The following RIMS1 variants were observed in gnomAD, a reference collection of about 807,000 sequenced individuals.
RIMS1 encodes the protein regulating synaptic membrane exocytosis 1, also known as regulating synaptic membrane exocytosis protein 1.
RIMS1 carries 83 observed loss-of-function variants against 214.1 expected under a neutral mutation model. The ratio of observed to expected loss-of-function variants is 0.39; its 90% CI spans 0.32 to 0.47. RIMS1 has a LOEUF of 0.47. Ranked by LOEUF, RIMS1 falls within the 20% of genes least tolerant of loss-of-function variation. The probability of loss-of-function intolerance (pLI) is 0.99; values close to 1 mark genes in which losing one functional copy is unlikely to be tolerated. For synonymous variants in RIMS1, 793 were observed against 786.8 expected (o/e 1.01, Z -0.13); for missense variants, 2,050 against 2,161.8 (o/e 0.95, Z 1.03).
chr6:72,076,342 G>A (rs1831865232), intron 2 of RIMS1, among the ~76,000 whole-genome samples: 1 of 152,162 alleles, frequency 6.6e-6, no homozygotes, highest in Admixed American at 6.5e-5. Context: ...TTTGTTCCCT[G>A]CCAAGGGCCA....
intron 6 of RIMS1, among the ~76,000 whole-genome samples, chr6:72,190,010 C>T (rs553904612): frequency 6.6e-6 from 1 of 152,346 alleles, no homozygotes; most frequent in African/African-American, 2.4e-5. Flanking sequence ...AAGTCCCTGA[C>T]CATCCAGCCA....
intron 2 of RIMS1, among the ~76,000 whole-genome samples, chr6:71,986,190 G>GTTT (rs35395914): frequency 1.5e-5 from 2 of 131,782 alleles, no homozygotes; most frequent in African/African-American, 2.8e-5. Flanking sequence ...TTTGGGTTTT[G>GTTT]TTTTTTTTTT....
In RIMS1 at chr6:71,986,902, G is replaced by A. The variant is rs143647380; in HGVS notation, c.245+17839G>A. Among the ~76,000 whole-genome samples the A allele has an allele frequency of 7.5e-3, 1,138 of 152,324 alleles. 13 individuals carry two copies. The highest frequency in any genetic ancestry group is 0.026 in the African/African-American group (1,073 of 41,578). ...CATAACTAAGGGTCTGAAACTCTGG[G>A]CAGAATTTGTGTCTAAAAATTTTGG... On this transcript the variant is annotated intron_variant, in intron 2 of 33. Coordinates refer to ENST00000521978, the MANE Select transcript of RIMS1 (RefSeq NM_014989.7).
At chr6:72,299,138 A>C (rs573397121) in intron 26 of RIMS1, among the ~76,000 whole-genome samples, 1 of 152,088 alleles carries the variant, frequency 6.6e-6, no homozygotes, top group South Asian at 2.1e-4. Flanking sequence ...ATAATGATAT[A>C]AGAAGATCAA....
At chr6:72,124,107 G>A (rs1443909803) in intron 4 of RIMS1, among the ~76,000 whole-genome samples, 1 of 151,832 alleles carries the variant, frequency 6.6e-6, no homozygotes, top group Non-Finnish European at 1.5e-5. Context: ...GCAGTGGCTG[G>A]TCCCAGTTGT....
At chr6:72,379,043 A>G (rs940340565) in intron 29 of RIMS1, among the ~76,000 whole-genome samples, 2 of 152,212 alleles carry the variant, frequency 1.3e-5, no homozygotes, top group Admixed American at 1.3e-4. Context: ...ACTGTAGAGG[A>G]CTAAAATGTT....
chr6:72,346,878 A>G (rs2097283047), intron 29 of RIMS1, among the ~76,000 whole-genome samples: 1 of 151,800 alleles, frequency 6.6e-6, no homozygotes, highest in African/African-American at 2.4e-5. Flanking sequence ...CTTAATCCAC[A>G]AAGTTATAAA....
At chr6:72,291,049 AC>A (rs1409143442) in intron 25 of RIMS1, among the ~76,000 whole-genome samples, 188 bp downstream of exon 25, 1 of 152,128 alleles carries the variant, frequency 6.6e-6, no homozygotes, top group Non-Finnish European at 1.5e-5. Flanking sequence ...CTGGTGGTAT[AC>A]TATAGTTTCT....
chr6:72,265,394 A>C lies in RIMS1; in HGVS notation c.3199A>C (p.Ile1067Leu). 1 of 1,558,670 alleles carries C rather than the reference A, an allele frequency of 6.4e-7. No individual in the cohort carries two copies. Among genetic ancestry groups the C allele is most frequent in the Non-Finnish European group, 8.8e-7 (1 of 1,138,702 alleles). ...SSSHWNIYSS[I>L]LPAHTKTKSV... ...GTGTAATTTTAATTTGTGGAGCTCA[A>C]TTCTGCCTGCACATACTAAGACCAA... The change falls in exon 21 of 34, where the codon ATT becomes CTT. Residue 1067 changes from isoleucine to leucine, a missense_variant. Around this residue, in one of 6 missense-constraint regions of RIMS1, gnomAD observed 889 missense variants for 885.5 expected, o/e 1.00. Transcript: ENST00000521978.
intron 2 of RIMS1, among the ~76,000 whole-genome samples, chr6:72,002,658 C>G (rs1030395419): frequency 6.6e-6 from 1 of 152,136 alleles, no homozygotes; most frequent in Non-Finnish European, 1.5e-5. Flanking sequence ...GAAACAAGAT[C>G]ACCAGTGATG....
intron 26 of RIMS1, among the ~76,000 whole-genome samples, chr6:72,297,102 CAT>C (rs2094169716): frequency 6.6e-6 from 1 of 151,720 alleles, no homozygotes; most frequent in Non-Finnish European, 1.5e-5. Context: ...AGGCACTATA[CAT>C]ATATATATTA....
chr6:72,155,819 G>A lies in RIMS1; in HGVS notation c.472-23756G>A, dbSNP rs1244713597. On this transcript the variant is annotated intron_variant, in intron 4 of 33. Coordinates refer to ENST00000521978, the MANE Select transcript of RIMS1 (RefSeq NM_014989.7). The stretch of plus-strand genomic sequence containing the variant: ...AATTATGGGAGTTACAACTCAAGAT[G>A]AGATGTGGGTGGGGACACAGAGCCA... Among the ~76,000 whole-genome samples, 5 of 140,476 alleles carry A rather than the reference G, an allele frequency of 3.6e-5. 1 individual carries two copies. The highest frequency in any genetic ancestry group is 7.4e-5 in the African/African-American group (3 of 40,598). 92.2% of individuals were successfully genotyped at this position (140,476 alleles called of 152,430 possible).
At chr6:72,350,509 T>C (rs374720369) in intron 29 of RIMS1, among the ~76,000 whole-genome samples, 77 of 152,304 alleles carry the variant, frequency 5.1e-4, no homozygotes, top group Middle Eastern at 3.4e-3. Context: ...CTGGCCCAGA[T>C]AGCACAATAC....
chr6:72,009,112 A>G (rs1809158115), intron 2 of RIMS1, among the ~76,000 whole-genome samples: 1 of 152,226 alleles, frequency 6.6e-6, no homozygotes. Context: ...AACAGAAATT[A>G]TAACAAACTG....
At chr6:72,346,944 C>T (rs917768227) in intron 29 of RIMS1, among the ~76,000 whole-genome samples, 1 of 151,724 alleles carries the variant, frequency 6.6e-6, no homozygotes, top group Non-Finnish European at 1.5e-5. Context: ...TGTAGGCCAA[C>T]AACTTAGTGC....
intron 29 of RIMS1, among the ~76,000 whole-genome samples, chr6:72,336,562 G>T (rs2096851749): frequency 6.6e-6 from 1 of 151,768 alleles, no homozygotes; most frequent in Non-Finnish European, 1.5e-5. Flanking sequence ...CTGTTCCAAA[G>T]TGACTCAACG....
At chr6:72,168,165 A>G (rs2046529111) in intron 4 of RIMS1, among the ~76,000 whole-genome samples, 1 of 152,166 alleles carries the variant, frequency 6.6e-6, no homozygotes, top group Non-Finnish European at 1.5e-5. Flanking sequence ...AGAAGATTTG[A>G]TGAAAGATTG....
chr6:72,028,396 T>G (rs1817144952), intron 2 of RIMS1, among the ~76,000 whole-genome samples: 1 of 152,196 alleles, frequency 6.6e-6, no homozygotes, highest in African/African-American at 2.4e-5. Context: ...TATTTAATTT[T>G]TAATATCTGT....
intron 4 of RIMS1, among the ~76,000 whole-genome samples, chr6:72,161,452 C>A (rs1478793864): frequency 1.4e-5 from 2 of 139,968 alleles, no homozygotes; most frequent in African/African-American, 2.5e-5. Context: ...TTTGCTCTTG[C>A]TTCTCTAGTT....
Sources: allele counts gnomAD v4.1 joint callset (sites outside exome capture counted in the v4.1 genomes callset), GRCh38; gene constraint gnomAD v4.1.1; regional missense constraint gnomAD v4.1.1; transcripts MANE v1.5; gene names NCBI Gene and HGNC (gene_info 2026-07-23, HGNC 2026-07-21).